ING3: variants seen among roughly 807,000 people sequenced by gnomAD.
The protein encoded by ING3 is inhibitor of growth protein 3.
ING3 carries 6 observed loss-of-function variants against 64.8 expected under a neutral mutation model. The ratio of observed to expected loss-of-function variants is 0.09; its 90% CI spans 0.05 to 0.18. The LOEUF is 0.18. Ranked by LOEUF, ING3 falls within the 10% of genes least tolerant of loss-of-function variation. ING3 has a pLI of 1.00. For synonymous variants in ING3, 170 were observed against 173.7 expected (o/e 0.98, Z 0.17); for missense variants, 310 against 489.7 (o/e 0.63, Z 3.46).
intron 5 of ING3, 138 bp downstream of exon 5, chr7:120,964,976 A>G (rs2525720): frequency 0.22 from 136,583 of 621,624 alleles, 18,334 homozygotes; most frequent in African/African-American, 0.46. Context: ...TTGGACCCTA[A>G]CAGTTGGAAA....
In ING3 at chr7:120,951,090, A is replaced by G. The variant is rs1584985034; in HGVS notation, c.29-74A>G. 3.2e-6 allele frequency: 5 copies of G among 1,564,282 alleles called. 1 individual carries two copies. The South Asian group carries it at 4.5e-5, about 14-fold the overall frequency. The stretch of plus-strand genomic sequence containing the variant: ...GCTGCCGGCCCCCTCGACCCCCCTG[A>G]CGCACGCGCGCAGTGACGTAAGCGC... On this transcript the variant is annotated intron_variant, in intron 1 of 11. Coordinates refer to ENST00000315870, the MANE Select transcript of ING3 (RefSeq NM_019071.3).
intron 10 of ING3, 141 bp downstream of exon 10, chr7:120,971,021 T>G (rs917981437): frequency 1.1e-5 from 10 of 906,846 alleles, no homozygotes; most frequent in African/African-American, 5.0e-5. Flanking sequence ...CTTACAAAAG[T>G]GACATTTGCT....
chr7:120,953,485 G>A (rs1338772002), intron 3 of ING3, 81 bp downstream of exon 3: 4 of 786,478 alleles, frequency 5.1e-6, no homozygotes, highest in Non-Finnish European at 8.5e-6. Context: ...ATAGTGGTCT[G>A]GATATCAAAA....
Position 120,970,677 on chromosome 7 carries a change from A to G in ING3, c.909-11A>G, listed in dbSNP as rs371467215. 24 of 1,612,892 alleles carry G rather than the reference A, an allele frequency of 1.5e-5. No homozygotes were observed. The highest frequency in any genetic ancestry group is 4.0e-5 in the African/African-American group (3 of 74,808). The stretch of plus-strand genomic sequence containing the variant: ...ATGGTGAGCAAATAAAACTTATACT[A>G]TTTTTTTCAGAAACAACAACAAGTC... On this transcript the variant is annotated splice_polypyrimidine_tract_variant and intron_variant, in intron 9 of 11. Coordinates refer to ENST00000315870, the MANE Select transcript of ING3 (RefSeq NM_019071.3).
Position 120,967,988 on chromosome 7 carries a change from C to G in ING3, c.611C>G (p.Ser204Cys), listed in dbSNP as rs1330215639. ...ASSNNAYNVN[S>C]SQPLGSYNIG... ...TCTAACAATGCCTACAATGTGAATT[C>G]CTCCCAACCTCTGGGATCCTATAAC... is the stretch of plus-strand genomic sequence containing the variant. The change falls in exon 8 of 12, where the codon TCC becomes TGC. Residue 204 changes from serine to cysteine, a missense_variant. Transcript: ENST00000315870. 6.2e-7 allele frequency: 1 copy of G among 1,613,982 alleles called. No homozygotes were observed. The highest frequency in any genetic ancestry group is 8.5e-7 in the Non-Finnish European group (1 of 1,179,948).
intron 4 of ING3, among the ~76,000 whole-genome samples, chr7:120,963,472 C>G (rs945259031): frequency 6.6e-6 from 1 of 151,790 alleles, no homozygotes; most frequent in Non-Finnish European, 1.5e-5. Flanking sequence ...TTTCTGCATG[C>G]AGAAAGTTCA....
chr7:120,966,139 G>A (rs571953934), intron 5 of ING3, among the ~76,000 whole-genome samples: 31 of 152,078 alleles, frequency 2.0e-4, no homozygotes, highest in South Asian at 8.3e-4. Context: ...CACTTTTTGC[G>A]AACAAAATCC....
At chr7:120,961,492 T>A (rs73429864) in intron 4 of ING3, among the ~76,000 whole-genome samples, 11,859 of 152,262 alleles carry the variant, frequency 0.078, 591 homozygotes, top group Non-Finnish European at 0.1. Context: ...GTAGAGACTT[T>A]AAAAAAGCTG....
In ING3 at chr7:120,975,094, C is replaced by A; in HGVS notation, c.*250C>A. The A allele has an allele frequency of 4.2e-6, 1 of 240,758 alleles. No individual in the cohort carries two copies. The highest frequency in any genetic ancestry group is 9.1e-5 in the East Asian group (1 of 10,958). The allele number at this position is 240,758 out of a possible 1,614,324, so 14.9% of individuals were successfully genotyped here. A position where few individuals can be genotyped will look rare whatever the true frequency, so the allele number is the denominator to read the frequency against. ...GTTAGCCTTGGATTATTTCAGTGGC[C>A]AACATATGCAGACATTTGTACTCCT... On this transcript the variant is annotated 3_prime_UTR_variant, in exon 12 of 12. Transcript: ENST00000315870.
chr7:120,970,784 C>G lies in ING3; in HGVS notation c.1005C>G (p.Ile335Met). 1 of 1,613,846 alleles carries G rather than the reference C, an allele frequency of 6.2e-7. No individual in the cohort carries two copies. Among genetic ancestry groups the G allele is most frequent in the Non-Finnish European group, 8.5e-7 (1 of 1,179,798 alleles). The change falls in exon 10 of 12, where the codon ATC becomes ATG. Residue 335 changes from isoleucine (I) to methionine (M), a missense_variant. Around this residue, in one of 3 missense-constraint regions of ING3, gnomAD observed 233 missense variants for 289.4 expected, o/e 0.81. Transcript: ENST00000315870. ...CATCATCAACTGTTGTACAAGAAAT[C>G]TCTCAACAAACAACTGTAGTGCCAG... ...CSSSSTVVQE[I>M]SQQTTVVPES...
chr7:120,974,268 A>C (rs1796107074), intron 11 of ING3, among the ~76,000 whole-genome samples: 1 of 152,218 alleles, frequency 6.6e-6, no homozygotes, highest in Non-Finnish European at 1.5e-5. Context: ...CTACATTTCA[A>C]GGAATAGAAA....
intron 4 of ING3, 130 bp from the exon 5 acceptor site, chr7:120,964,612 G>A (rs1795974754): frequency 3.1e-6 from 2 of 650,336 alleles, no homozygotes; most frequent in South Asian, 1.9e-5. Context: ...CTGAGGCATA[G>A]ATTAATTGAC....
At chr7:120,951,271 C>G in intron 2 of ING3, 36 bp downstream of exon 2, 1 of 1,596,964 alleles carries the variant, frequency 6.3e-7, no homozygotes, top group Non-Finnish European at 8.6e-7. Flanking sequence ...GTTCGCTGCG[C>G]GCGTTCAGTG....
At chr7:120,974,494 AT>A (rs1796110230) in intron 11 of ING3, among the ~76,000 whole-genome samples, 1 of 152,150 alleles carries the variant, frequency 6.6e-6, no homozygotes, top group Non-Finnish European at 1.5e-5. Flanking sequence ...ACTAGATTAC[AT>A]GGACCTCAGG....
At chr7:120,958,592 G>A (rs970490480) in intron 4 of ING3, among the ~76,000 whole-genome samples, 2 of 152,204 alleles carry the variant, frequency 1.3e-5, no homozygotes, top group Non-Finnish European at 2.9e-5. Flanking sequence ...TCAATCAAGA[G>A]ACTGGTTGAG....
intron 11 of ING3, among the ~76,000 whole-genome samples, chr7:120,974,286 G>A (rs1363526327): frequency 2.0e-5 from 3 of 152,148 alleles, no homozygotes; most frequent in African/African-American, 2.4e-5. Context: ...AAACACCCAC[G>A]TAGGAAATGC....
chr7:120,974,696 G>A lies in ING3; in HGVS notation c.1141-32G>A. 3.0e-6 allele frequency: 4 copies of A among 1,330,358 alleles called. No homozygotes were observed. The South Asian group carries it at 4.7e-5, about 16-fold the overall frequency. The allele number at this position is 1,330,358 out of a possible 1,614,324, so 82.4% of individuals were successfully genotyped here. A position where few individuals can be genotyped will look rare whatever the true frequency, so the allele number is the denominator to read the frequency against. ...ATACTCTCTTGTCTTCAGAAGTACT[G>A]AAAACTTGTTTTTTGCAATTTTGCT... On this transcript the variant is annotated intron_variant, in intron 11 of 11. Transcript: ENST00000315870.
intron 10 of ING3, among the ~76,000 whole-genome samples, chr7:120,972,624 C>T (rs760349377): frequency 6.6e-6 from 1 of 151,970 alleles, no homozygotes; most frequent in Non-Finnish European, 1.5e-5. Flanking sequence ...TGCATAGGAC[C>T]ATGTAAATAT....
intron 8 of ING3, among the ~76,000 whole-genome samples, chr7:120,968,330 A>G (rs574179964): frequency 3.3e-5 from 5 of 152,198 alleles, no homozygotes; most frequent in Non-Finnish European, 5.9e-5. Context: ...CCTTCTCACA[A>G]TAACTGCTCA....
Sources: gnomAD v4.1 joint callset for allele counts (sites outside exome capture counted in the v4.1 genomes callset) on GRCh38, gnomAD v4.1.1 for gene constraint, gnomAD v4.1.1 regional missense constraint, MANE v1.5 for transcripts, NCBI Gene and HGNC (gene_info 2026-07-23, HGNC 2026-07-21) for gene names.